The following DRC7 variants were observed in gnomAD, a reference collection of about 807,000 sequenced individuals.
DRC7 encodes the protein dynein regulatory complex subunit 7.
DRC7 carries 80 observed loss-of-function variants against 104.4 expected under a neutral mutation model. That is an observed-to-expected ratio of 0.77 (90% confidence interval 0.64 to 0.92). The LOEUF is 0.92. Ranked by LOEUF, DRC7 falls within the 40% of genes least tolerant of loss-of-function variation. The pLI is 0.00. For missense variants in DRC7, 1,034 were observed against 1,141.1 expected, an observed-to-expected ratio of 0.91 and a Z score of 1.35; for synonymous variants, 405 against 447.3, an observed-to-expected ratio of 0.91 and a Z score of 1.19.
chr16:57,700,017 A>G (rs1189668462), intron 4 of DRC7, 128 bp from the exon 5 acceptor site: 3 of 1,087,154 alleles, frequency 2.8e-6, no homozygotes, highest in African/African-American at 1.6e-5. Flanking sequence ...ACCCCAGGTC[A>G]TGTGGGCCTG....
intron 16 of DRC7, among the ~76,000 whole-genome samples, chr16:57,727,942 C>T (rs2048991558): frequency 3.9e-5 from 6 of 152,202 alleles, no homozygotes; most frequent in Admixed American, 3.3e-4. Flanking sequence ...TCAGCCCCCA[C>T]GTCTCCAACT....
chr16:57,703,747 A>T (rs1450313118), intron 6 of DRC7, among the ~76,000 whole-genome samples: 2 of 152,138 alleles, frequency 1.3e-5, no homozygotes, highest in African/African-American at 2.4e-5. Flanking sequence ...CAAGTGGACC[A>T]CTTGAGCGCA....
At chr16:57,726,038 G>T in intron 13 of DRC7, 30 bp from the exon 14 acceptor site, 2 of 1,590,832 alleles carry the variant, frequency 1.3e-6, no homozygotes, top group Non-Finnish European at 1.7e-6. Flanking sequence ...CTCATCCTTT[G>T]CTCATCCTTT....
At chr16:57,697,851 G>A in intron 2 of DRC7, 62 bp from the exon 3 acceptor site, 1 of 1,525,256 alleles carries the variant, frequency 6.6e-7, no homozygotes, top group Non-Finnish European at 8.8e-7. Context: ...TGCCCAGATG[G>A]TGTTGGTGGC....
intron 9 of DRC7, among the ~76,000 whole-genome samples, chr16:57,718,937 C>T (rs1380263243): frequency 1.3e-5 from 2 of 151,946 alleles, no homozygotes; most frequent in Non-Finnish European, 2.9e-5. Context: ...TGCAGTGAGC[C>T]ATGTTCATGC....
In DRC7 at chr16:57,731,462, C is replaced by T. The variant is rs2049061293; in HGVS notation, c.*204C>T. The T allele has an allele frequency of 1.7e-6, 1 of 584,880 alleles. No individual in the cohort carries two copies. The highest frequency in any genetic ancestry group is 4.6e-4 in the Middle Eastern group (1 of 2,186). The allele number at this position is 584,880 out of a possible 1,614,324, so 36.2% of individuals were successfully genotyped here. ...ACACACTCTTAATTTGCCATTTGTGCCTTGCGCTTCACAAGCTCCAGCAGC... is the reference window on the plus strand; with the variant it reads ...ACACACTCTTAATTTGCCATTTGTGTCTTGCGCTTCACAAGCTCCAGCAGC... On this transcript the variant is annotated 3_prime_UTR_variant, in exon 19 of 19. Transcript: ENST00000360716.
chr16:57,705,125 G>T, intron 7 of DRC7, 91 bp downstream of exon 7: 1 of 1,399,788 alleles, frequency 7.1e-7, no homozygotes, highest in East Asian at 2.5e-5. Context: ...GAGGGGATGT[G>T]TGTATGGACC....
In DRC7 at chr16:57,702,064, C is replaced by T. The variant is rs1567872953; in HGVS notation, c.633C>T (p.Gly211=). 16 of 1,614,120 alleles carry T rather than the reference C, an allele frequency of 9.9e-6. No individual in the cohort carries two copies. The highest frequency in any genetic ancestry group is 1.4e-5 in the Non-Finnish European group (16 of 1,180,054). Residue 211 remains glycine, a synonymous_variant, in exon 6 of 19, where the codon GGC becomes GGT. Coordinates refer to ENST00000360716, the MANE Select transcript of DRC7 (RefSeq NM_001289162.2). The stretch of plus-strand genomic sequence containing the variant: ...ATGCTTACTGCGTCAACGGCTACGG[C>T]TCGCTGGACCTGTGCCACATGGACC... ...GYDAYCVNGY[G]SLDLCHMDLT...
At chr16:57,711,785 A>C (rs1459945918) in intron 8 of DRC7, among the ~76,000 whole-genome samples, 1 of 152,218 alleles carries the variant, frequency 6.6e-6, no homozygotes, top group African/African-American at 2.4e-5. Flanking sequence ...CCAGGGAACC[A>C]GGAGTGCTGA....
chr16:57,716,767 A>T (rs2048848167), intron 8 of DRC7, among the ~76,000 whole-genome samples: 1 of 152,154 alleles, frequency 6.6e-6, no homozygotes, highest in African/African-American at 2.4e-5. Context: ...ACACCCCTCC[A>T]GGCAGCTGTT....
intron 2 of DRC7, among the ~76,000 whole-genome samples, chr16:57,697,217 C>T (rs1222644285): frequency 1.3e-5 from 2 of 151,710 alleles, no homozygotes; most frequent in South Asian, 2.1e-4. Flanking sequence ...CCAGCCAATT[C>T]ATTTATTTAA....
At position 57,731,070 on chromosome 16, in the gene DRC7, GGTGA is replaced by G; in HGVS notation, c.2531+2_2531+5del. On this transcript the variant is annotated splice_donor_variant and splice_donor_region_variant and intron_variant, in intron 18 of 18. Coordinates refer to ENST00000360716, the MANE Select transcript of DRC7 (RefSeq NM_001289162.2). LOFTEE classifies it high-confidence loss of function. Reference sequence around the variant, plus strand: ...CGCATCCTGGAGCAGCGCCTCAATCGGTGAGCAGGCAGGGCAGGTGGAGAGAACC... The same window carrying G: ...CGCATCCTGGAGCAGCGCCTCAATCGGCAGGCAGGGCAGGTGGAGAGAACC... The G allele has an allele frequency of 6.2e-7, 1 of 1,613,740 alleles. No homozygotes were observed. The highest frequency in any genetic ancestry group is 8.5e-7 in the Non-Finnish European group (1 of 1,179,954).
Position 57,728,412 on chromosome 16 carries a change from A to C in DRC7, c.2219A>C (p.His740Pro), listed in dbSNP as rs1597814243. 6.2e-7 allele frequency: 1 copy of C among 1,604,542 alleles called. No homozygotes were observed. The highest frequency in any genetic ancestry group is 8.5e-7 in the Non-Finnish European group (1 of 1,175,280). ...CAGGAGCGCATGATGCACGAAGAGC[A>C]CCTGCGGCAGGTGGAGACCCAGCTG... The part of the protein sequence containing the change: ...EAMERMMHEE[H>P]LRQVETQLDY... The change falls in exon 17 of 19, where the codon CAC becomes CCC. Residue 740 changes from histidine (H) to proline (P), a missense_variant. Coordinates refer to ENST00000360716, the MANE Select transcript of DRC7 (RefSeq NM_001289162.2).
At chr16:57,727,456 CT>C (rs1355226628) in intron 16 of DRC7, 47 bp downstream of exon 16, 2 of 1,436,088 alleles carry the variant, frequency 1.4e-6, no homozygotes, top group African/African-American at 2.8e-5. Flanking sequence ...CTAGACCCCC[CT>C]GGTCTCCAGG....
At chr16:57,700,123 G>A (rs1419982077) in intron 4 of DRC7, 22 bp from the exon 5 acceptor site, 1 of 1,611,630 alleles carries the variant, frequency 6.2e-7, no homozygotes, top group Admixed American at 1.7e-5. Flanking sequence ...TGACCCCACT[G>A]GCACCATCTC....
Position 57,712,338 on chromosome 16 carries a change from G to A in DRC7, c.1077+4660G>A, listed in dbSNP as rs191632713. ...TTATGCAGAAATTTCTAGAAATAGA[G>A]TGGTAACCTCTGGTTCACTTTGTCA... On this transcript the variant is annotated intron_variant, in intron 8 of 18. Coordinates refer to ENST00000360716, the MANE Select transcript of DRC7 (RefSeq NM_001289162.2). Among the ~76,000 whole-genome samples the A allele has an allele frequency of 4.6e-5, 7 of 152,302 alleles. No homozygotes were observed. In the East Asian group the frequency reaches 7.7e-4, roughly 17 times the overall value.
In DRC7 at chr16:57,726,774, G is replaced by T. The variant is rs112011792; in HGVS notation, c.1975-58G>T. On this transcript the variant is annotated intron_variant, in intron 14 of 18. Transcript: ENST00000360716. ...GGCAGGGGTAGATTTGAACCCAGGT[G>T]GTCCTATGCCCCGATCATGGCAGCC... The T allele has an allele frequency of 8.5e-5, 90 of 1,063,080 alleles. 2 individuals carry two copies. The South Asian group carries it at 1.2e-3, about 14-fold the overall frequency. The allele number at this position is 1,063,080 out of a possible 1,614,324, so 65.9% of individuals were successfully genotyped here.
chr16:57,722,992 G>C lies in DRC7; in HGVS notation c.1409-10G>C. The C allele has an allele frequency of 6.2e-7, 1 of 1,613,660 alleles. No homozygotes were observed. Among genetic ancestry groups the C allele is most frequent in the South Asian group, 1.1e-5 (1 of 91,058 alleles). The stretch of plus-strand genomic sequence containing the variant: ...GGCCTGGCTGCGGCAAGTGTCCATC[G>C]GCCCCACAGGTACCAATATTTTGGA... On this transcript the variant is annotated splice_polypyrimidine_tract_variant and intron_variant, in intron 11 of 18. Coordinates refer to ENST00000360716, the MANE Select transcript of DRC7 (RefSeq NM_001289162.2).
intron 17 of DRC7, among the ~76,000 whole-genome samples, chr16:57,729,711 TG>T (rs1211728944): frequency 1.5e-4 from 9 of 59,934 alleles, no homozygotes; most frequent in Non-Finnish European, 2.6e-4. Context: ...GGATGGATGA[TG>T]GATGGATGGG....
Sources: gnomAD v4.1 joint callset for allele counts (sites outside exome capture counted in the v4.1 genomes callset) on GRCh38, gnomAD v4.1.1 for gene constraint, MANE v1.5 for transcripts, NCBI Gene and HGNC (gene_info 2026-07-23, HGNC 2026-07-21) for gene names.